Variants in ATP7B observed in about 807,000 individuals in gnomAD.
The protein encoded by ATP7B is ATPase copper transporting beta.
A neutral mutation model predicts 118.9 loss-of-function variants in ATP7B; 113 were observed. The ratio of observed to expected loss-of-function variants is 0.95; its 90% CI spans 0.82 to 1.11. The LOEUF is 1.11. Ranked by LOEUF, ATP7B falls within the 50% of genes most tolerant of loss-of-function variation. ATP7B has a pLI of 0.00. For synonymous variants in ATP7B, 777 were observed against 727.4 expected, an observed-to-expected ratio of 1.07 and a Z score of -1.10; for missense variants, 1,867 against 1,871.4, an observed-to-expected ratio of 1.00 and a Z score of 0.04.
At chr13:51,970,158 T>TA (rs1364726432) in intron 3 of ATP7B, among the ~76,000 whole-genome samples, 1 of 152,188 alleles carries the variant, frequency 6.6e-6, no homozygotes, top group Admixed American at 6.5e-5. Context: ...TTATTCATTT[T>TA]ATAGTAAGGG....
Position 51,964,483 on chromosome 13 carries a change from G to A in ATP7B, c.1869+389C>T, listed in dbSNP as rs1284110516. Among the ~76,000 whole-genome samples, 3 of 152,268 alleles carry A rather than the reference G, an allele frequency of 2.0e-5. 1 individual carries two copies. In the South Asian group the frequency reaches 6.2e-4, roughly 32 times the overall value. On this transcript the variant is annotated intron_variant, in intron 5 of 20. Coordinates refer to ENST00000242839, the MANE Select transcript of ATP7B (RefSeq NM_000053.4). The stretch of plus-strand genomic sequence containing the variant: ...TGGCCTGGCATAGTGGCAAAATGTG[G>A]ATCATTTTTTCCAAGGCCAACGTTC...
chr13:51,937,882 C>T (rs1227295809), intron 17 of ATP7B, among the ~76,000 whole-genome samples: 1 of 152,196 alleles, frequency 6.6e-6, no homozygotes, highest in Admixed American at 6.5e-5. Flanking sequence ...TAGGCCCTGT[C>T]CTTTTCTGGA....
chr13:51,995,316 G>A, intron 1 of ATP7B: 1 of 985,372 alleles, frequency 1.0e-6, no homozygotes, highest in Non-Finnish European at 1.2e-6. Flanking sequence ...GCACTGACCT[G>A]ACTGGAACTC....
At chr13:51,964,151 A>C (rs989593148) in intron 5 of ATP7B, among the ~76,000 whole-genome samples, 1 of 151,914 alleles carries the variant, frequency 6.6e-6, no homozygotes, top group Non-Finnish European at 1.5e-5. Flanking sequence ...TGAAGAGGAA[A>C]TTCAGGATAC....
chr13:51,936,363 C>T (rs922783672), intron 19 of ATP7B, among the ~76,000 whole-genome samples: 6 of 144,142 alleles, frequency 4.2e-5, no homozygotes, highest in Non-Finnish European at 9.0e-5. Context: ...GGCAGGAATG[C>T]TGTGATTACA....
rs1653725417 is a variant in ATP7B, at chr13:51,996,229, A to G, written c.51+15058T>C. Among the ~76,000 whole-genome samples the G allele has an allele frequency of 4.6e-5, 7 of 152,220 alleles. 1 individual carries two copies. The highest frequency in any genetic ancestry group is 4.6e-4 in the Admixed American group (7 of 15,292). ...TAAGAACTGACTGCACAAACTGGCT[A>G]ACAAGGCTCATCTGTTTAAGCAGCA... On this transcript the variant is annotated intron_variant, in intron 1 of 20. Coordinates refer to ENST00000242839, the MANE Select transcript of ATP7B (RefSeq NM_000053.4).
intron 1 of ATP7B, among the ~76,000 whole-genome samples, chr13:51,982,702 T>C (rs553425474): frequency 2.6e-4 from 40 of 152,308 alleles, no homozygotes; most frequent in African/African-American, 9.1e-4. Context: ...GGGTGATTTC[T>C]GCATTTCCAG....
intron 1 of ATP7B, among the ~76,000 whole-genome samples, chr13:52,000,641 T>C (rs1353204303): frequency 6.6e-6 from 1 of 152,218 alleles, no homozygotes; most frequent in Non-Finnish European, 1.5e-5. Flanking sequence ...GCCCTTCCCC[T>C]GCTGCTCCCA....
chr13:51,951,688 G>A (rs1958017276), intron 9 of ATP7B, among the ~76,000 whole-genome samples: 1 of 152,182 alleles, frequency 6.6e-6, no homozygotes, highest in African/African-American at 2.4e-5. Flanking sequence ...AGGAAAATGA[G>A]AGTGGGGATG....
rs1337878901 is a variant in ATP7B at position 51,946,189 on chromosome 13, T to C, written c.3060+95A>G. 33 of 1,477,502 alleles carry C rather than the reference T, an allele frequency of 2.2e-5. 1 individual carries two copies. The South Asian group carries it at 3.7e-4, about 17-fold the overall frequency. The allele number at this position is 1,477,502 out of a possible 1,614,324, so 91.5% of individuals were successfully genotyped here. ...CTATTCTATGTAATTAACACTGCTG[T>C]CTTGAGTGGCTCTCAGGCTTTTCTC... On this transcript the variant is annotated intron_variant, in intron 13 of 20. Coordinates refer to ENST00000242839, the MANE Select transcript of ATP7B (RefSeq NM_000053.4).
intron 1 of ATP7B, among the ~76,000 whole-genome samples, chr13:52,003,710 A>G (rs1253700964): frequency 2.0e-5 from 3 of 152,076 alleles, no homozygotes; most frequent in African/African-American, 7.2e-5. Flanking sequence ...GACTTAAATG[A>G]GCAGAACAGG....
intron 11 of ATP7B, 77 bp from the exon 12 acceptor site, chr13:51,949,873 T>C (rs1957886498): frequency 1.2e-6 from 2 of 1,610,948 alleles, no homozygotes; most frequent in South Asian, 1.1e-5. Context: ...TGGATAAAGA[T>C]TGGGATAATC....
At position 51,940,902 on chromosome 13, in the gene ATP7B, C is replaced by G. The variant is rs144496154; in HGVS notation, c.3556+179G>C. Reference sequence around the variant, plus strand: ...GAGCTGCTCTGGGGCCAAGATGGAGCCAGTGGAAAGAATGAAGAGAAAAGA... The same window carrying G: ...GAGCTGCTCTGGGGCCAAGATGGAGGCAGTGGAAAGAATGAAGAGAAAAGA... On this transcript the variant is annotated intron_variant, in intron 16 of 20. Transcript: ENST00000242839. Among the ~76,000 whole-genome samples the G allele has an allele frequency of 8.0e-4, 121 of 152,002 alleles. No individual in the cohort carries two copies. In the East Asian group the frequency reaches 0.022, roughly 28 times the overall value.
At chr13:51,963,105 A>C (rs1039854256) in intron 5 of ATP7B, among the ~76,000 whole-genome samples, 2 of 151,880 alleles carry the variant, frequency 1.3e-5, no homozygotes, top group South Asian at 4.2e-4. Flanking sequence ...AAAAAAAAAG[A>C]AAGAAAGAAA....
At chr13:51,977,596 T>G (rs939327214) in intron 1 of ATP7B, among the ~76,000 whole-genome samples, 7 of 152,218 alleles carry the variant, frequency 4.6e-5, no homozygotes, top group Admixed American at 4.6e-4. Flanking sequence ...TTTCTTTTTA[T>G]AAGTAGAAGG....
Position 51,958,970 on chromosome 13 carries a change from C to T in ATP7B, c.2122-426G>A. ...CACATCAGTCTATCTTGTATGATCC[C>T]ATTTCAGTTAAAAAAGTCTGTATCT... On this transcript the variant is annotated intron_variant, in intron 7 of 20. Transcript: ENST00000242839. 2 of 221,592 alleles carry T rather than the reference C, an allele frequency of 9.0e-6. 1 individual carries two copies. The highest frequency in any genetic ancestry group is 1.5e-4 in the South Asian group (2 of 13,074). The allele number at this position is 221,592 out of a possible 1,614,324, so 13.7% of individuals were successfully genotyped here.
intron 7 of ATP7B, chr13:51,958,781 A>G (rs1385172543): frequency 5.3e-6 from 3 of 565,180 alleles, no homozygotes; most frequent in Non-Finnish European, 9.5e-6. Context: ...TTACAACACA[A>G]ATGTCCTCTA....
In ATP7B at chr13:51,974,579, A is replaced by G. The variant is rs765232152; in HGVS notation, c.641T>C (p.Val214Ala). 13 of 1,614,114 alleles carry G rather than the reference A, an allele frequency of 8.1e-6. No homozygotes were observed. The highest frequency in any genetic ancestry group is 1.1e-5 in the Non-Finnish European group (13 of 1,179,996). The change falls in exon 2 of 21, where the codon GTG (valine) becomes GCG (alanine). Residue 214 changes from valine to alanine, a missense_variant. Physicochemically the swap from Val to Ala is moderately conservative, Grantham distance 64. Coordinates refer to ENST00000242839, the MANE Select transcript of ATP7B (RefSeq NM_000053.4). ...MGFEAAIKSK[V>A]APLSLGPIDI... ...AATTGGTCCCAGGCTTAAGGGAGCC[A>G]CTTTGCTCTTGATGGCAGCTTCAAA...
chr13:51,982,782 G>A (rs986415340), intron 1 of ATP7B, among the ~76,000 whole-genome samples: 1 of 152,234 alleles, frequency 6.6e-6, no homozygotes, highest in Non-Finnish European at 1.5e-5. Context: ...GCAGGGTGGG[G>A]TGTTGCCTCA....
Sources: allele counts gnomAD v4.1 joint callset (sites outside exome capture counted in the v4.1 genomes callset), GRCh38; gene constraint gnomAD v4.1.1; transcripts MANE v1.5; gene names NCBI Gene and HGNC (gene_info 2026-07-23, HGNC 2026-07-21).